Variants in GPR158 observed in about 807,000 individuals in gnomAD.
GPR158 encodes the protein G protein-coupled receptor 158.
A neutral mutation model predicts 78.2 loss-of-function variants in GPR158; 30 were observed. The ratio of observed to expected loss-of-function variants is 0.38; its 90% CI spans 0.29 to 0.52. The LOEUF (loss-of-function observed/expected upper bound fraction) is 0.52, where lower values mean the gene tolerates loss of function less well. GPR158 is among the 20% of genes least tolerant of loss of function. The pLI is 0.83. For synonymous variants in GPR158, 581 were observed against 591.1 expected (o/e 0.98, Z 0.25); for missense variants, 1,463 against 1,523.5 (o/e 0.96, Z 0.66).
At chr10:25,224,969 T>C (rs145232327) in intron 2 of GPR158, among the ~76,000 whole-genome samples, 13 of 152,252 alleles carry the variant, frequency 8.5e-5, no homozygotes, top group East Asian at 7.7e-4. Flanking sequence ...TGAATACTTA[T>C]AGATTTTGGC....
At chr10:25,186,303 A>T (rs1476123203) in intron 1 of GPR158, among the ~76,000 whole-genome samples, 4 of 152,210 alleles carry the variant, frequency 2.6e-5, no homozygotes, top group Non-Finnish European at 5.9e-5. Context: ...TAACATCACA[A>T]TTAAAAGAAC....
At chr10:25,410,747 T>A (rs1049863811) in intron 3 of GPR158, among the ~76,000 whole-genome samples, 1 of 152,248 alleles carries the variant, frequency 6.6e-6, no homozygotes, top group Non-Finnish European at 1.5e-5. Context: ...TAGGGAACCA[T>A]GTCTGCTTGA....
At chr10:25,523,018 G>A (rs1188622124) in intron 5 of GPR158, among the ~76,000 whole-genome samples, 2 of 152,210 alleles carry the variant, frequency 1.3e-5, no homozygotes, top group African/African-American at 4.8e-5. Context: ...GCTGCTAGAT[G>A]TCAGAGTAAC....
chr10:25,220,975 C>T (rs1459318219), intron 1 of GPR158, 77 bp from the exon 2 acceptor site: 9 of 877,612 alleles, frequency 1.0e-5, no homozygotes, highest in Non-Finnish European at 1.4e-5. Context: ...TGATAATTTT[C>T]TAATTTCAAG....
chr10:25,193,276 A>G (rs376665284), intron 1 of GPR158, among the ~76,000 whole-genome samples: 4 of 152,270 alleles, frequency 2.6e-5, no homozygotes, highest in Admixed American at 1.3e-4. Context: ...AAATAGGGGA[A>G]CGTGGCAGAG....
chr10:25,191,687 A>T (rs1852773510), intron 1 of GPR158, among the ~76,000 whole-genome samples: 1 of 152,200 alleles, frequency 6.6e-6, no homozygotes, highest in Non-Finnish European at 1.5e-5. Context: ...TCACTGAAAA[A>T]ATTTGGTTAC....
intron 1 of GPR158, among the ~76,000 whole-genome samples, chr10:25,196,452 T>C (rs1403009696): frequency 6.6e-6 from 1 of 152,226 alleles, no homozygotes; most frequent in Non-Finnish European, 1.5e-5. Flanking sequence ...TTCAGTTGTT[T>C]TGCTTGTTTA....
intron 2 of GPR158, among the ~76,000 whole-genome samples, chr10:25,307,239 A>G (rs1184884801): frequency 6.6e-6 from 1 of 150,962 alleles, no homozygotes; most frequent in East Asian, 1.9e-4. Context: ...TTTTTTTTGC[A>G]TTGCAAGACT....
At chr10:25,268,414 T>C (rs949479355) in intron 2 of GPR158, among the ~76,000 whole-genome samples, 4 of 151,796 alleles carry the variant, frequency 2.6e-5, no homozygotes, top group African/African-American at 9.7e-5. Flanking sequence ...AAAGGGAGAG[T>C]CTTCCTGGAT....
At chr10:25,220,901 C>T in intron 1 of GPR158, 151 bp from the exon 2 acceptor site, 2 of 584,746 alleles carry the variant, frequency 3.4e-6, no homozygotes, top group Non-Finnish European at 6.0e-6. Context: ...TACTGTGTGT[C>T]TTCTCTTGGT....
intron 2 of GPR158, among the ~76,000 whole-genome samples, chr10:25,270,033 A>G (rs1207290806): frequency 6.6e-6 from 1 of 152,178 alleles, no homozygotes; most frequent in African/African-American, 2.4e-5. Context: ...TGCAGAAAGA[A>G]GTTCTACTGG....
At position 25,181,262 on chromosome 10, in the gene GPR158, C is replaced by A. The variant is rs185271710; in HGVS notation, c.902+4940C>A. ...GGAGGCTTTTAAGTCTCAGTTACAT[C>A]ATCTTTAAGCTATGAAGAGTAATGT... On this transcript the variant is annotated intron_variant, in intron 1 of 10. Coordinates refer to ENST00000376351, the MANE Select transcript of GPR158 (RefSeq NM_020752.3). Among the ~76,000 whole-genome samples the A allele has an allele frequency of 1.8e-3, 269 of 152,286 alleles. 1 individual carries two copies. The highest frequency in any genetic ancestry group is 4.4e-4 in the Non-Finnish European group (30 of 68,028).
At chr10:25,555,565 AGT>A (rs1327344670) in intron 6 of GPR158, among the ~76,000 whole-genome samples, 2 of 152,202 alleles carry the variant, frequency 1.3e-5, no homozygotes, top group Non-Finnish European at 2.9e-5. Flanking sequence ...TTGAGAAGGC[AGT>A]ATCTCTACGC....
chr10:25,215,622 G>A (rs529026974), intron 1 of GPR158, among the ~76,000 whole-genome samples: 75 of 152,238 alleles, frequency 4.9e-4, no homozygotes, highest in African/African-American at 1.7e-3. Flanking sequence ...ATCACCTGAG[G>A]TCAGGAGTTC....
chr10:25,369,007 C>T (rs1490437520), intron 2 of GPR158, among the ~76,000 whole-genome samples: 9 of 150,642 alleles, frequency 6.0e-5, no homozygotes, highest in South Asian at 2.1e-4. Context: ...TTGTGATTTT[C>T]GTACATTGAT....
At chr10:25,566,844 GA>G (rs1305302271) in intron 6 of GPR158, among the ~76,000 whole-genome samples, 1 of 152,166 alleles carries the variant, frequency 6.6e-6, no homozygotes, top group Non-Finnish European at 1.5e-5. Context: ...AGAAATTGAT[GA>G]AAAGTTTAAT....
chr10:25,512,826 A>G (rs1430899935), intron 5 of GPR158, among the ~76,000 whole-genome samples: 3 of 152,122 alleles, frequency 2.0e-5, no homozygotes, highest in Non-Finnish European at 4.4e-5. Flanking sequence ...TATGTGCTAT[A>G]TCACATTTAT....
chr10:25,450,986 T>C lies in GPR158; in HGVS notation c.1336-15665T>C, dbSNP rs201725789. On this transcript the variant is annotated intron_variant, in intron 4 of 10. Transcript: ENST00000376351. Reference sequence around the variant, plus strand: ...GCCTGTCTATATATGTGTTTTTTTTTTAATTTTTCAAATAGCTAAATATCA... The same window carrying C: ...GCCTGTCTATATATGTGTTTTTTTTCTAATTTTTCAAATAGCTAAATATCA... Among the ~76,000 whole-genome samples the C allele has an allele frequency of 1.8e-3, 276 of 152,308 alleles. 7 individuals are homozygous for C. In the East Asian group the frequency reaches 0.05, roughly 27 times the overall value.
At chr10:25,346,282 T>A (rs1855370429) in intron 2 of GPR158, among the ~76,000 whole-genome samples, 1 of 151,878 alleles carries the variant, frequency 6.6e-6, no homozygotes, top group Non-Finnish European at 1.5e-5. Flanking sequence ...GGGTAGTACT[T>A]CATTCAATTC....
Sources: gnomAD v4.1 joint callset for allele counts (sites outside exome capture counted in the v4.1 genomes callset) on GRCh38, gnomAD v4.1.1 for gene constraint, MANE v1.5 for transcripts, NCBI Gene and HGNC (gene_info 2026-07-23, HGNC 2026-07-21) for gene names.